DDX46: variants seen among roughly 807,000 people sequenced by gnomAD.
The protein encoded by DDX46 is DEAD-box helicase 46.
Under a neutral mutation model 134.9 loss-of-function variants are expected in DDX46, and 30 were observed. That is an observed-to-expected ratio of 0.22 (90% CI 0.17 to 0.30). The LOEUF is 0.30. Ranked by LOEUF, DDX46 falls within the 10% of genes least tolerant of loss-of-function variation. The pLI, the probability that DDX46 is intolerant of heterozygous loss-of-function variation, is 1.00. For synonymous variants in DDX46, 415 were observed against 404.1 expected (o/e 1.03, Z -0.32); for missense variants, 622 against 1,248.7 (o/e 0.50, Z 7.56).
At chr5:134,783,352 C>T (rs1249995399) in intron 9 of DDX46, among the ~76,000 whole-genome samples, 1 of 149,810 alleles carries the variant, frequency 6.7e-6, no homozygotes, top group Non-Finnish European at 1.5e-5. Flanking sequence ...CTCCCGGGCT[C>T]AAGCAGTTCT....
chr5:134,788,870 T>A (rs1477494048), intron 12 of DDX46, among the ~76,000 whole-genome samples: 2 of 152,084 alleles, frequency 1.3e-5, no homozygotes, highest in African/African-American at 4.8e-5. Context: ...ATAATAATTG[T>A]AACAAGTTGA....
chr5:134,797,860 T>C (rs1754713093), intron 15 of DDX46, among the ~76,000 whole-genome samples: 3 of 152,216 alleles, frequency 2.0e-5, no homozygotes, highest in Admixed American at 2.0e-4. Context: ...TTGCCCAGGC[T>C]GGAGTGCAAT....
intron 16 of DDX46, 113 bp from the exon 17 acceptor site, chr5:134,811,108 A>G (rs1217828168): frequency 6.9e-6 from 6 of 873,122 alleles, no homozygotes; most frequent in Non-Finnish European, 1.0e-5. Flanking sequence ...AAAATTCTTT[A>G]GTTAATGTTG....
intron 15 of DDX46, among the ~76,000 whole-genome samples, chr5:134,802,596 T>TA (rs1488532309): frequency 1.3e-5 from 2 of 152,002 alleles, no homozygotes; most frequent in Non-Finnish European, 1.5e-5. Context: ...AAATTACAAA[T>TA]ATGTTCTCTT....
At chr5:134,823,624 A>G (rs1051394763) in intron 21 of DDX46, among the ~76,000 whole-genome samples, 1 of 152,210 alleles carries the variant, frequency 6.6e-6, no homozygotes, top group Non-Finnish European at 1.5e-5. Context: ...TAAAAATGGC[A>G]TGCTTTTGTG....
At chr5:134,787,489 C>A (rs554648994) in intron 11 of DDX46, among the ~76,000 whole-genome samples, 2 of 152,314 alleles carry the variant, frequency 1.3e-5, no homozygotes, top group South Asian at 2.1e-4. Context: ...TACAAGAACA[C>A]ACTTCAAGAA....
At chr5:134,780,249 A>G (rs1287320659) in intron 6 of DDX46, among the ~76,000 whole-genome samples, 1 of 149,786 alleles carries the variant, frequency 6.7e-6, no homozygotes, top group Non-Finnish European at 1.5e-5. Context: ...TATATATTAT[A>G]TATTTTTATA....
At chr5:134,784,296 A>G in intron 9 of DDX46, 70 bp from the exon 10 acceptor site, 2 of 1,480,642 alleles carry the variant, frequency 1.4e-6, no homozygotes, top group South Asian at 1.4e-5. Context: ...TTTTATGGGA[A>G]CACATAGGAC....
intron 18 of DDX46, among the ~76,000 whole-genome samples, chr5:134,812,153 C>T (rs1198309112): frequency 6.6e-6 from 1 of 151,070 alleles, no homozygotes; most frequent in Non-Finnish European, 1.5e-5. Flanking sequence ...TAACCTCCGC[C>T]TCCTGGGTTC....
chr5:134,821,946 G>A (rs1480641455), intron 21 of DDX46, among the ~76,000 whole-genome samples: 4 of 148,640 alleles, frequency 2.7e-5, no homozygotes, highest in Non-Finnish European at 5.9e-5. Context: ...AGGCTGGAGT[G>A]CAATGGTGCT....
At chr5:134,811,462 A>C in intron 17 of DDX46, 104 bp downstream of exon 17, 1 of 1,441,824 alleles carries the variant, frequency 6.9e-7, no homozygotes, top group Non-Finnish European at 9.3e-7. Flanking sequence ...AAATTTTGCT[A>C]CGACTATTTT....
intron 15 of DDX46, among the ~76,000 whole-genome samples, chr5:134,798,911 C>T (rs1230174967): frequency 7.9e-5 from 12 of 152,230 alleles, no homozygotes; most frequent in South Asian, 6.2e-4. Flanking sequence ...AAAATTTGTC[C>T]GTCCTGAACA....
At chr5:134,809,463 G>T (rs1755078435) in intron 16 of DDX46, among the ~76,000 whole-genome samples, 1 of 152,016 alleles carries the variant, frequency 6.6e-6, no homozygotes, top group Admixed American at 6.5e-5. Context: ...TCCCTCCCAG[G>T]TTCAAACGAT....
intron 15 of DDX46, among the ~76,000 whole-genome samples, chr5:134,800,709 C>G (rs1237951830): frequency 6.6e-6 from 1 of 152,074 alleles, no homozygotes; most frequent in African/African-American, 2.4e-5. Flanking sequence ...GAGTTTTGCT[C>G]TTGTTGCCCA....
In DDX46 at chr5:134,782,960, G is replaced by A. The variant is rs1364994147; in HGVS notation, c.1061G>A (p.Arg354Gln). 6.2e-7 allele frequency: 1 copy of A among 1,613,376 alleles called. No individual in the cohort carries two copies. The highest frequency in any genetic ancestry group is 2.2e-5 in the East Asian group (1 of 44,836). ...TGTTTTGTAGAGGTAAATGTGTTTC[G>A]ATTGGAAATGGAGGGCATTACAGTT... is the stretch of plus-strand genomic sequence containing the variant. ...KMSQEEVNVF[R>Q]LEMEGITVKG... The change falls in exon 9 of 23, where the codon CGA becomes CAA. Residue 354 changes from arginine to glutamine, a missense_variant. Around this residue, in one of 8 missense-constraint regions of DDX46, gnomAD observed 63 missense variants for 84.0 expected, o/e 0.75. Coordinates refer to ENST00000452510, the MANE Select transcript of DDX46 (RefSeq NM_001300860.2).
At chr5:134,801,365 ATCCAAGT>A (rs1754823435) in intron 15 of DDX46, among the ~76,000 whole-genome samples, 1 of 152,194 alleles carries the variant, frequency 6.6e-6, no homozygotes, top group East Asian at 1.9e-4. Flanking sequence ...TTTGATATGC[ATCCAAGT>A]TCCAAGTTCT....
At chr5:134,770,467 G>T (rs1753727099) in intron 3 of DDX46, among the ~76,000 whole-genome samples, 1 of 152,016 alleles carries the variant, frequency 6.6e-6, no homozygotes, top group African/African-American at 2.4e-5. Context: ...TCCTGCCTTG[G>T]CTTCCCAAAG....
In DDX46 at chr5:134,786,561, G is replaced by A. The variant is rs566523539; in HGVS notation, c.1464+975G>A. 3.9e-5 allele frequency among the ~76,000 whole-genome samples: 6 copies of A among 152,134 alleles called. No individual in the cohort carries two copies. In the East Asian group the frequency reaches 1.2e-3, roughly 29 times the overall value. ...ATGCTGACATCTTTAAAAAGTGATG[G>A]TGGCCAGGCACGGTGGCTCATGCCT... On this transcript the variant is annotated intron_variant, in intron 11 of 22. Coordinates refer to ENST00000452510, the MANE Select transcript of DDX46 (RefSeq NM_001300860.2).
chr5:134,771,536 CA>C (rs74329372), intron 4 of DDX46, among the ~76,000 whole-genome samples: 1,752 of 83,968 alleles, frequency 0.021, 22 homozygotes, highest in African/African-American at 0.063. Context: ...ACTAAAAATA[CA>C]AAAAAAAAAA....
Sources: allele counts gnomAD v4.1 joint callset (sites outside exome capture counted in the v4.1 genomes callset), GRCh38; gene constraint gnomAD v4.1.1; regional missense constraint gnomAD v4.1.1; transcripts MANE v1.5; gene names NCBI Gene and HGNC (gene_info 2026-07-23, HGNC 2026-07-21).